MGAT4C: variants seen among roughly 807,000 people sequenced by gnomAD.
MGAT4C encodes the protein alpha-1,3-mannosyl-glycoprotein 4-beta-N-acetylglucosaminyltransferase C.
MGAT4C carries 19 observed loss-of-function variants against 40.1 expected under a neutral mutation model. That is an observed-to-expected ratio of 0.47 (90% CI 0.33 to 0.70). MGAT4C has a LOEUF of 0.70. Among genes scored for constraint, MGAT4C ranks in the 30% least tolerant of loss-of-function variants. The pLI, the probability that MGAT4C is intolerant of heterozygous loss-of-function variation, is 0.02. For missense variants in MGAT4C, 491 were observed against 563.2 expected, an observed-to-expected ratio of 0.87 and a Z score of 1.30; for synonymous variants, 181 against 187.1, an observed-to-expected ratio of 0.97 and a Z score of 0.27.
intron 1 of MGAT4C, among the ~76,000 whole-genome samples, chr12:86,799,831 G>T (rs1159471161): frequency 6.6e-6 from 1 of 151,804 alleles, no homozygotes; most frequent in Admixed American, 6.6e-5. Context: ...ACTATATATT[G>T]CCTGTAGATA....
At chr12:86,204,726 G>T (rs140292918) in intron 1 of MGAT4C, among the ~76,000 whole-genome samples, 1 of 152,052 alleles carries the variant, frequency 6.6e-6, no homozygotes, top group South Asian at 2.1e-4. Flanking sequence ...ATGATGGTGG[G>T]TCCCTACAGG....
intron 1 of MGAT4C, among the ~76,000 whole-genome samples, chr12:86,169,086 A>C (rs1035867542): frequency 1.3e-5 from 2 of 152,110 alleles, no homozygotes; most frequent in Non-Finnish European, 2.9e-5. Context: ...AAGTTTTCTC[A>C]ATCTCTTATT....
intron 2 of MGAT4C, among the ~76,000 whole-genome samples, chr12:86,450,086 T>G (rs140795992): frequency 6.6e-6 from 1 of 152,130 alleles, no homozygotes; most frequent in Non-Finnish European, 1.5e-5. Context: ...TTTGCCCTAT[T>G]TATACTGTGA....
intron 2 of MGAT4C, among the ~76,000 whole-genome samples, chr12:86,679,977 T>C (rs1949950216): frequency 6.6e-6 from 1 of 151,984 alleles, no homozygotes; most frequent in African/African-American, 2.4e-5. Flanking sequence ...CCTCACCTCA[T>C]TCACGGCCTT....
At chr12:86,802,892 T>G (rs1349112665) in intron 1 of MGAT4C, among the ~76,000 whole-genome samples, 63 of 140,286 alleles carry the variant, frequency 4.5e-4, no homozygotes, top group African/African-American at 1.6e-3. Context: ...AATGCCTTTC[T>G]TCACAGAATT....
chr12:86,090,323 A>G (rs1872672656), intron 1 of MGAT4C, among the ~76,000 whole-genome samples: 1 of 151,732 alleles, frequency 6.6e-6, no homozygotes, highest in Non-Finnish European at 1.5e-5. Flanking sequence ...TTTATCATAA[A>G]CACTATTTCT....
At position 86,684,266 on chromosome 12, in the gene MGAT4C, G is replaced by T. The variant is rs1480507988; in HGVS notation, c.-229+42943C>A. Among the ~76,000 whole-genome samples the T allele has an allele frequency of 3.3e-5, 5 of 152,270 alleles. 1 individual carries two copies. The South Asian group carries it at 1.0e-3, about 32-fold the overall frequency. On this transcript the variant is annotated intron_variant, in intron 2 of 7. Transcript: ENST00000548651. ...TCTCATTGTTCAACCCCACTTATGA[G>T]TGAAAACATGTGGTGTTTGGTTTTC... is the stretch of plus-strand genomic sequence containing the variant.
At chr12:86,166,186 T>C (rs1046237782) in intron 1 of MGAT4C, among the ~76,000 whole-genome samples, 2 of 152,232 alleles carry the variant, frequency 1.3e-5, no homozygotes, top group Non-Finnish European at 2.9e-5. Flanking sequence ...TATAGTCAAC[T>C]GTAATAAATT....
At chr12:86,571,140 T>C (rs1446077287) in intron 2 of MGAT4C, among the ~76,000 whole-genome samples, 1 of 152,152 alleles carries the variant, frequency 6.6e-6, no homozygotes, top group African/African-American at 2.4e-5. Context: ...TCACTCTTTC[T>C]TAGCTTTATT....
intron 2 of MGAT4C, among the ~76,000 whole-genome samples, chr12:86,444,691 A>T (rs564009546): frequency 1.3e-5 from 2 of 152,294 alleles, no homozygotes; most frequent in Non-Finnish European, 2.9e-5. Flanking sequence ...TTTTATCTTA[A>T]TGTTTTATTC....
chr12:86,728,813 T>C (rs1449195069), intron 1 of MGAT4C, among the ~76,000 whole-genome samples: 1 of 152,220 alleles, frequency 6.6e-6, no homozygotes, highest in Non-Finnish European at 1.5e-5. Context: ...TACAAATATA[T>C]GTATAGATAC....
At chr12:86,212,978 C>A (rs1950542245) in intron 1 of MGAT4C, among the ~76,000 whole-genome samples, 2 of 141,650 alleles carry the variant, frequency 1.4e-5, no homozygotes, top group Non-Finnish European at 3.0e-5. Flanking sequence ...GCCAAAGTTA[C>A]TTCCATGAAC....
At chr12:86,343,777 C>T (rs891171586) in intron 3 of MGAT4C, among the ~76,000 whole-genome samples, 2 of 152,170 alleles carry the variant, frequency 1.3e-5, no homozygotes, top group Non-Finnish European at 2.9e-5. Context: ...CTTCTCAACT[C>T]TTATGAAGCC....
chr12:86,565,416 A>T (rs1350126316), intron 2 of MGAT4C, among the ~76,000 whole-genome samples: 1 of 152,210 alleles, frequency 6.6e-6, no homozygotes, highest in African/African-American at 2.4e-5. Flanking sequence ...TCTGCAAGGT[A>T]TGCAGGCATT....
chr12:86,677,889 T>G (rs1187088509), intron 2 of MGAT4C, among the ~76,000 whole-genome samples: 2 of 152,142 alleles, frequency 1.3e-5, no homozygotes, highest in Non-Finnish European at 2.9e-5. Flanking sequence ...AACGAAAGAC[T>G]ATTGGTCTTC....
chr12:86,450,492 A>G (rs1957407791), intron 2 of MGAT4C, among the ~76,000 whole-genome samples: 1 of 152,146 alleles, frequency 6.6e-6, no homozygotes, highest in African/African-American at 2.4e-5. Context: ...AAGAGTGAAT[A>G]GAAGTTCTTA....
intron 2 of MGAT4C, among the ~76,000 whole-genome samples, chr12:86,633,856 T>G: frequency 6.6e-6 from 1 of 152,078 alleles, no homozygotes; most frequent in Non-Finnish European, 1.5e-5. Flanking sequence ...CTTAGATCAT[T>G]AAGTTGCCTC....
chr12:86,429,952 C>G (rs961357603), intron 3 of MGAT4C, among the ~76,000 whole-genome samples: 2 of 152,108 alleles, frequency 1.3e-5, no homozygotes, highest in South Asian at 4.1e-4. Context: ...TTACTGTAAG[C>G]TTTATTCCTT....
intron 1 of MGAT4C, among the ~76,000 whole-genome samples, chr12:86,813,721 T>C (rs1952524096): frequency 6.6e-6 from 1 of 152,132 alleles, no homozygotes; most frequent in Non-Finnish European, 1.5e-5. Context: ...CATCCAAAAC[T>C]ATGTTGTGTA....
Sources: gnomAD v4.1 joint callset for allele counts (sites outside exome capture counted in the v4.1 genomes callset) on GRCh38, gnomAD v4.1.1 for gene constraint, MANE v1.5 for transcripts, NCBI Gene and HGNC (gene_info 2026-07-23, HGNC 2026-07-21) for gene names.